The following ORAI3 variants were observed in gnomAD, a reference collection of about 807,000 sequenced individuals.
ORAI3 encodes ORAI calcium release-activated calcium modulator 3.
A neutral mutation model predicts 17.2 loss-of-function variants in ORAI3; 15 were observed. That is an observed-to-expected ratio of 0.87 (90% confidence interval 0.58 to 1.34). The LOEUF (loss-of-function observed/expected upper bound fraction) is 1.34. Ranked by LOEUF, ORAI3 falls within the 40% of genes most tolerant of loss-of-function variation. The probability of loss-of-function intolerance (pLI) is 0.00; values close to 1 mark genes in which losing one functional copy is unlikely to be tolerated. For missense variants in ORAI3, 405 were observed against 396.7 expected (o/e 1.02, Z -0.18); for synonymous variants, 178 against 172.4 (o/e 1.03, Z -0.25).
rs554914560 is a variant in ORAI3, at chr16:30,954,681, G to A, written c.*837G>A. On this transcript the variant is annotated 3_prime_UTR_variant, in exon 2 of 2. Transcript: ENST00000318663. ...CCACCTTCCCCCACTGTGGTGACCT[G>A]TGGCCACTTGCAGAAGGGATGGTGC... 4 of 155,908 alleles carry A rather than the reference G, an allele frequency of 2.6e-5. No homozygotes were observed. The highest frequency in any genetic ancestry group is 6.4e-5 in the Admixed American group (1 of 15,708). 9.7% of individuals were successfully genotyped at this position (155,908 alleles called of 1,614,324 possible).
intron 1 of ORAI3, among the ~76,000 whole-genome samples, chr16:30,952,156 C>A (rs2055927817): frequency 7.2e-6 from 1 of 138,572 alleles, no homozygotes; most frequent in Admixed American, 7.8e-5. Flanking sequence ...AGACAGAGTC[C>A]CACACTGTCA....
intron 1 of ORAI3, 104 bp downstream of exon 1, chr16:30,949,621 G>T: frequency 1.3e-6 from 1 of 783,850 alleles, no homozygotes; most frequent in South Asian, 1.8e-5. Flanking sequence ...AGGTTAAAGG[G>T]GGCTTTCGTC....
rs1245161245 is a variant in ORAI3, at chr16:30,953,868, T to C, written c.*24T>C. On this transcript the variant is annotated 3_prime_UTR_variant, in exon 2 of 2. Transcript: ENST00000318663. ...GAGACTGGTGTTAGCCACCGCTCAC[T>C]GCAAGCACTGCCTCCCTCCGGGGTC... The C allele has an allele frequency of 3.1e-6, 5 of 1,587,672 alleles. No individual in the cohort carries two copies. The Admixed American group carries it at 8.6e-5, about 27-fold the overall frequency.
chr16:30,952,725 A>G (rs1370521880), intron 1 of ORAI3, among the ~76,000 whole-genome samples: 1 of 151,814 alleles, frequency 6.6e-6, no homozygotes, highest in Non-Finnish European at 1.5e-5. Context: ...GAGTGCAGTC[A>G]CATGATCTCG....
chr16:30,953,696 C>T lies in ORAI3; in HGVS notation c.740C>T (p.Ala247Val). Reference protein sequence around the residue: ...AHGPGWQAAMASTAIMVPVGL... With the variant: ...AHGPGWQAAMVSTAIMVPVGL... ...GGGCCAGGCTGGCAAGCAGCCATGG[C>T]CTCCACAGCCATCATGGTACCCGTG... is the stretch of plus-strand genomic sequence containing the variant. Residue 247 changes from alanine to valine, a missense_variant, in exon 2 of 2, where the codon GCC becomes GTC. Physicochemically the swap from Ala to Val is moderately conservative, Grantham distance 64 (BLOSUM62 0). Transcript: ENST00000318663. 1 of 1,614,220 alleles carries T rather than the reference C, an allele frequency of 6.2e-7. No homozygotes were observed. Among genetic ancestry groups the T allele is most frequent in the South Asian group, 1.1e-5 (1 of 91,092 alleles).
chr16:30,950,477 G>A (rs1402124489), intron 1 of ORAI3, among the ~76,000 whole-genome samples: 1 of 152,168 alleles, frequency 6.6e-6, no homozygotes, highest in East Asian at 1.9e-4. Flanking sequence ...TTAGTCTGGG[G>A]TTGCCCCACC....
At position 30,954,003 on chromosome 16, in the gene ORAI3, G is replaced by A. The variant is rs1401396678; in HGVS notation, c.*159G>A. On this transcript the variant is annotated 3_prime_UTR_variant, in exon 2 of 2. Coordinates refer to ENST00000318663, the MANE Select transcript of ORAI3 (RefSeq NM_152288.3). ...CAGATTCCTGCCCGCAGGGTCCTCTGGGCTGGGCCTTGGGGCAGCTCCCAC... is the reference window on the plus strand; with the variant it reads ...CAGATTCCTGCCCGCAGGGTCCTCTAGGCTGGGCCTTGGGGCAGCTCCCAC... 3.6e-6 allele frequency: 3 copies of A among 842,628 alleles called. No homozygotes were observed. The highest frequency in any genetic ancestry group is 5.8e-6 in the Non-Finnish European group (3 of 513,100). The allele number at this position is 842,628 out of a possible 1,614,324, so 52.2% of individuals were successfully genotyped here.
Position 30,953,666 on chromosome 16 carries a change from C to T in ORAI3, c.710C>T (p.Ala237Val), listed in dbSNP as rs2143421140. The stretch of plus-strand genomic sequence containing the variant: ...CGGCAAGCCTGTGGTGGTGGTGGGG[C>T]CCATGGGCCAGGCTGGCAAGCAGCC... Reference protein sequence around the residue: ...PPRQACGGGGAHGPGWQAAMA... With the variant: ...PPRQACGGGGVHGPGWQAAMA... The change falls in exon 2 of 2, where the codon GCC becomes GTC. Residue 237 changes from alanine to valine, a missense_variant. Coordinates refer to ENST00000318663, the MANE Select transcript of ORAI3 (RefSeq NM_152288.3). 1 of 1,614,112 alleles carries T rather than the reference C, an allele frequency of 6.2e-7. No individual in the cohort carries two copies. The highest frequency in any genetic ancestry group is 8.5e-7 in the Non-Finnish European group (1 of 1,180,032).
At chr16:30,949,553 G>C (rs1016960751) in intron 1 of ORAI3, 36 bp downstream of exon 1, 5 of 635,494 alleles carry the variant, frequency 7.9e-6, no homozygotes, top group Non-Finnish European at 2.5e-6. Context: ...CGGTGGGGCA[G>C]AGCAAGTGGG....
chr16:30,953,592 G>A lies in ORAI3; in HGVS notation c.636G>A (p.Arg212=). 1.2e-6 allele frequency: 2 copies of A among 1,614,150 alleles called. No individual in the cohort carries two copies. The highest frequency in any genetic ancestry group is 8.5e-7 in the Non-Finnish European group (1 of 1,180,014). Residue 212 remains arginine, a synonymous_variant, in exon 2 of 2, where the codon CGG becomes CGA. Coordinates refer to ENST00000318663, the MANE Select transcript of ORAI3 (RefSeq NM_152288.3). ...TSLSPASNLP[R]SSASAAPSQA... is the part of the protein sequence containing the mutation. ...TTAGTCCAGCTTCCAATCTCCCACG[G>A]TCCTCTGCGTCTGCAGCACCGTCCC...
Position 30,953,735 on chromosome 16 carries a change from T to C in ORAI3, c.779T>C (p.Val260Ala), listed in dbSNP as rs2055936963. The change falls in exon 2 of 2, where the codon GTG becomes GCG. Residue 260 changes from valine to alanine, a missense_variant. Val to Ala is a moderately conservative substitution (Grantham distance 64). Transcript: ENST00000318663. ...ATGGTACCCGTGGGGCTCGTGTTTG[T>C]GGCCTTTGCCCTGCATTTCTACCGC... is the stretch of plus-strand genomic sequence containing the variant. ...AIMVPVGLVF[V>A]AFALHFYRSL... is the part of the protein sequence containing the mutation. The C allele has an allele frequency of 6.2e-7, 1 of 1,614,092 alleles. No homozygotes were observed. Among genetic ancestry groups the C allele is most frequent in the Non-Finnish European group, 8.5e-7 (1 of 1,180,044 alleles).
Position 30,949,340 on chromosome 16 carries a change from G to A in ORAI3, c.51G>A (p.Glu17=), listed in dbSNP as rs943103302. The change falls in exon 1 of 2, where the codon GAG becomes GAA. Residue 17 remains glutamate, a synonymous_variant. Coordinates refer to ENST00000318663, the MANE Select transcript of ORAI3 (RefSeq NM_152288.3). ...DAGEQAPLNP[E]GESPAGSATY... ...GCGAGCAGGCCCCGCTGAACCCTGAGGGCGAGAGCCCTGCAGGCTCGGCCA... is the reference window on the plus strand; with the variant it reads ...GCGAGCAGGCCCCGCTGAACCCTGAAGGCGAGAGCCCTGCAGGCTCGGCCA... 3.3e-6 allele frequency: 5 copies of A among 1,509,180 alleles called. No homozygotes were observed. The South Asian group carries it at 3.7e-5, about 11-fold the overall frequency. The allele number at this position is 1,509,180 out of a possible 1,614,324, so 93.5% of individuals were successfully genotyped here. A position where few individuals can be genotyped will look rare whatever the true frequency, so the allele number is the denominator to read the frequency against.
chr16:30,951,453 G>A lies in ORAI3; in HGVS notation c.229-1732G>A, dbSNP rs181642710. 8.3e-4 allele frequency among the ~76,000 whole-genome samples: 126 copies of A among 152,304 alleles called. 1 individual carries two copies. The highest frequency in any genetic ancestry group is 3.0e-3 in the African/African-American group (124 of 41,568). On this transcript the variant is annotated intron_variant, in intron 1 of 1. Transcript: ENST00000318663. ...GCAGGATTTGAGCCTAAGCCGTCTG[G>A]TTCCAGACTCCAAATTTATAAATTC...
Position 30,949,516 on chromosome 16 carries a change from T to A in ORAI3, c.227T>A (p.Met76Lys), listed in dbSNP as rs1174548498. The change falls in exon 1 of 2, where the codon ATG (methionine) becomes AAG (lysine). Residue 76 changes from methionine (M) to lysine (K), a missense_variant and splice_region_variant. By Grantham distance (95) the Met-to-Lys change is moderately conservative. Coordinates refer to ENST00000318663, the MANE Select transcript of ORAI3 (RefSeq NM_152288.3). ...RTSALLSGFA[M>K]VAMVEVQLES... ...TCTGCCTTGCTCTCGGGCTTCGCCATGGTGAGGGGCCGGGAGGGGTCACAC... is the reference window on the plus strand; with the variant it reads ...TCTGCCTTGCTCTCGGGCTTCGCCAAGGTGAGGGGCCGGGAGGGGTCACAC... 3.2e-6 allele frequency: 4 copies of A among 1,266,936 alleles called. No homozygotes were observed. Among genetic ancestry groups the A allele is most frequent in the Non-Finnish European group, 4.0e-6 (4 of 988,622 alleles). 78.5% of individuals were successfully genotyped at this position (1,266,936 alleles called of 1,614,324 possible). A position where few individuals can be genotyped will look rare whatever the true frequency, so the allele number is the denominator to read the frequency against.
chr16:30,953,087 T>C, intron 1 of ORAI3, 98 bp from the exon 2 acceptor site: 1 of 1,143,972 alleles, frequency 8.7e-7, no homozygotes, highest in Non-Finnish European at 1.2e-6. Context: ...CAGTTCTAGG[T>C]CCTAGGGATA....
chr16:30,953,861 C>G lies in ORAI3; in HGVS notation c.*17C>G, dbSNP rs553138164. On this transcript the variant is annotated 3_prime_UTR_variant, in exon 2 of 2. Coordinates refer to ENST00000318663, the MANE Select transcript of ORAI3 (RefSeq NM_152288.3). ...GCTGTGTGAGACTGGTGTTAGCCACCGCTCACTGCAAGCACTGCCTCCCTC... is the reference window on the plus strand; with the variant it reads ...GCTGTGTGAGACTGGTGTTAGCCACGGCTCACTGCAAGCACTGCCTCCCTC... 6.3e-7 allele frequency: 1 copy of G among 1,593,440 alleles called. No homozygotes were observed. The highest frequency in any genetic ancestry group is 1.7e-5 in the Admixed American group (1 of 58,286).
chr16:30,954,228 A>T lies in ORAI3; in HGVS notation c.*384A>T, dbSNP rs2055940401. Reference sequence around the variant, plus strand: ...CAGAAGGCAGCCAATTGTTGGTTTAATTTTTTTTTTTTTTTGAGACAGTCT... The same window carrying T: ...CAGAAGGCAGCCAATTGTTGGTTTATTTTTTTTTTTTTTTTGAGACAGTCT... On this transcript the variant is annotated 3_prime_UTR_variant, in exon 2 of 2. Coordinates refer to ENST00000318663, the MANE Select transcript of ORAI3 (RefSeq NM_152288.3). The T allele has an allele frequency of 3.3e-5, 19 of 571,928 alleles. No homozygotes were observed. Among genetic ancestry groups the T allele is most frequent in the South Asian group, 5.8e-5 (3 of 51,790 alleles). 35.4% of individuals were successfully genotyped at this position (571,928 alleles called of 1,614,324 possible). A position where few individuals can be genotyped will look rare whatever the true frequency, so the allele number is the denominator to read the frequency against.
intron 1 of ORAI3, 164 bp downstream of exon 1, chr16:30,949,681 G>A (rs2055913770): frequency 3.1e-6 from 2 of 637,908 alleles, no homozygotes; most frequent in African/African-American, 1.9e-5. Flanking sequence ...CCCTTCTTAC[G>A]GATGTGTGTG....
intron 1 of ORAI3, among the ~76,000 whole-genome samples, chr16:30,951,118 T>A (rs1176795979): frequency 1.3e-5 from 2 of 152,066 alleles, no homozygotes; most frequent in Non-Finnish European, 2.9e-5. Flanking sequence ...AGCCCTGTTT[T>A]CCTACCTCCA....
Sources: allele counts gnomAD v4.1 joint callset (sites outside exome capture counted in the v4.1 genomes callset), GRCh38; gene constraint gnomAD v4.1.1; transcripts MANE v1.5; gene names NCBI Gene and HGNC (gene_info 2026-07-23, HGNC 2026-07-21).